Variants in NUP98 observed in about 807,000 individuals in gnomAD.
NUP98 encodes nuclear pore complex protein Nup98-Nup96.
In NUP98, 26 loss-of-function variants were observed where a neutral mutation model predicts 191.9. That is an observed-to-expected ratio of 0.14 (90% CI 0.10 to 0.19). The LOEUF is 0.19. NUP98 is among the 10% of genes least tolerant of loss of function. The pLI is 1.00. For synonymous variants in NUP98, 808 were observed against 778.4 expected, an observed-to-expected ratio of 1.04 and a Z score of -0.63; for missense variants, 1,941 against 2,178.8, an observed-to-expected ratio of 0.89 and a Z score of 2.17.
chr11:3,723,158 T>C lies in NUP98; in HGVS notation c.2145A>G (p.Ala715=), dbSNP rs1260680566. Residue 715 remains alanine (A), a splice_region_variant and synonymous_variant, in exon 16 of 33, where the codon GCA becomes GCG. Transcript: ENST00000324932. The part of the protein sequence containing the change: ...IENNSYHMHP[A]GIILTKVGYY... ...AACATGCACCAATCTGAACCTGACC[T>C]GCTGGGTGCATATGGTAAGAATTAT... 3.1e-6 allele frequency: 5 copies of C among 1,613,702 alleles called. No homozygotes were observed. Among genetic ancestry groups the C allele is most frequent in the Non-Finnish European group, 4.2e-6 (5 of 1,179,648 alleles).
rs2081228434 is a variant in NUP98 at position 3,763,099 on chromosome 11, A to G, written c.949-60T>C. 4.0e-6 allele frequency: 6 copies of G among 1,495,378 alleles called. No homozygotes were observed. The East Asian group carries it at 1.1e-4, about 28-fold the overall frequency. The allele number at this position is 1,495,378 out of a possible 1,614,324, so 92.6% of individuals were successfully genotyped here. ...TGTAATAGTTTCCGTAACGAATCTC[A>G]GAGTAATAAAAAAAAAGTTACCATT... On this transcript the variant is annotated intron_variant, in intron 8 of 32. Transcript: ENST00000324932.
chr11:3,687,962 C>A (rs2134037747), intron 28 of NUP98, among the ~76,000 whole-genome samples: 1 of 152,248 alleles, frequency 6.6e-6, no homozygotes, highest in South Asian at 2.1e-4. Context: ...TGACAAAGTG[C>A]TCAACATCAT....
rs1345437877 is a variant in NUP98, at chr11:3,776,076, A to G, written c.356-55T>C. ...AACAGTAAGAAATTTAAGAATGTAT[A>G]AGATGCATTGGAATTGGGCTATGGC... On this transcript the variant is annotated intron_variant, in intron 4 of 32. Coordinates refer to ENST00000324932, the MANE Select transcript of NUP98 (RefSeq NM_016320.5). The G allele has an allele frequency of 5.0e-6, 7 of 1,399,846 alleles. No individual in the cohort carries two copies. The South Asian group carries it at 6.1e-5, about 12-fold the overall frequency. The allele number at this position is 1,399,846 out of a possible 1,614,324, so 86.7% of individuals were successfully genotyped here.
At chr11:3,765,311 C>T (rs1382922006) in intron 8 of NUP98, among the ~76,000 whole-genome samples, 2 of 152,202 alleles carry the variant, frequency 1.3e-5, no homozygotes, top group African/African-American at 2.4e-5. Flanking sequence ...AATGATTCCC[C>T]GACCTCAGCC....
intron 20 of NUP98, 142 bp downstream of exon 20, chr11:3,712,422 T>C (rs1176993740): frequency 4.8e-6 from 7 of 1,457,768 alleles, no homozygotes; most frequent in African/African-American, 2.8e-5. Flanking sequence ...CGCCCTCCCT[T>C]GCACTTGTTT....
Position 3,771,738 on chromosome 11 carries a change from A to C in NUP98, c.784+10T>G. Reference sequence around the variant, plus strand: ...CCTCAGTATAATCTAACATGATATCAAGTGCTTACTAGTTCCAAAGGCAGT... The same window carrying C: ...CCTCAGTATAATCTAACATGATATCCAGTGCTTACTAGTTCCAAAGGCAGT... On this transcript the variant is annotated intron_variant, in intron 7 of 32. Coordinates refer to ENST00000324932, the MANE Select transcript of NUP98 (RefSeq NM_016320.5). The C allele has an allele frequency of 1.9e-6, 3 of 1,612,024 alleles. No homozygotes were observed. The highest frequency in any genetic ancestry group is 2.5e-6 in the Non-Finnish European group (3 of 1,178,142).
chr11:3,694,759 A>G (rs1349504826), intron 26 of NUP98, among the ~76,000 whole-genome samples: 3 of 151,972 alleles, frequency 2.0e-5, no homozygotes, highest in East Asian at 3.9e-4. Flanking sequence ...AAAAAAAAAA[A>G]TGCTGCAGGG....
chr11:3,756,267 T>TA (rs1388969429), intron 10 of NUP98, among the ~76,000 whole-genome samples: 1 of 152,180 alleles, frequency 6.6e-6, no homozygotes, highest in Non-Finnish European at 1.5e-5. Context: ...AATCCCAACT[T>TA]ACACTGTTTA....
At chr11:3,735,711 G>C (rs1010412168) in intron 12 of NUP98, among the ~76,000 whole-genome samples, 2 of 151,414 alleles carry the variant, frequency 1.3e-5, no homozygotes, top group Non-Finnish European at 2.9e-5. Context: ...AGACTGGTTT[G>C]TCTAAAGGAA....
At chr11:3,764,945 G>A (rs1354836545) in intron 8 of NUP98, among the ~76,000 whole-genome samples, 2 of 152,064 alleles carry the variant, frequency 1.3e-5, no homozygotes, top group East Asian at 3.9e-4. Flanking sequence ...GTTTTCATTT[G>A]CCTTTCCCTG....
Position 3,713,930 on chromosome 11 carries a change from C to A in NUP98, c.2465G>T (p.Ser822Ile). ...GTTGATATCAGCAAGGCGATCTGGG[C>A]TCTTTATTAAACAACGAGATGTTTT... The part of the protein sequence containing the change: ...TDKTSRCLIK[S>I]PDRLADINYE... Residue 822 changes from serine (S) to isoleucine (I), a missense_variant, in exon 19 of 33, where the codon AGC (serine) becomes ATC (isoleucine). Coordinates refer to ENST00000324932, the MANE Select transcript of NUP98 (RefSeq NM_016320.5). 1 of 1,614,120 alleles carries A rather than the reference C, an allele frequency of 6.2e-7. No individual in the cohort carries two copies. Among genetic ancestry groups the A allele is most frequent in the Non-Finnish European group, 8.5e-7 (1 of 1,180,026 alleles).
At chr11:3,685,037 T>C (rs2078097971) in intron 29 of NUP98, among the ~76,000 whole-genome samples, 1 of 151,356 alleles carries the variant, frequency 6.6e-6, no homozygotes. Context: ...TGTCTTGGGT[T>C]ACTGACCTGT....
chr11:3,726,483 T>C (rs1171143460), intron 14 of NUP98, among the ~76,000 whole-genome samples: 1 of 150,148 alleles, frequency 6.7e-6, no homozygotes, highest in East Asian at 1.9e-4. Context: ...AAGTCAATGT[T>C]GGGAATGAAA....
chr11:3,797,089 C>T (rs2134025023), intron 1 of NUP98, among the ~76,000 whole-genome samples: 1 of 152,384 alleles, frequency 6.6e-6, no homozygotes, highest in Admixed American at 6.5e-5. Flanking sequence ...AAGGCCAGCC[C>T]ACCGTGGGGT....
chr11:3,757,051 G>T (rs1427455982), intron 10 of NUP98, among the ~76,000 whole-genome samples: 1 of 150,808 alleles, frequency 6.6e-6, no homozygotes, highest in African/African-American at 2.4e-5. Flanking sequence ...TCGTGCCGCT[G>T]CACTCCAGCC....
chr11:3,737,133 G>A (rs2080094340), intron 12 of NUP98, among the ~76,000 whole-genome samples: 2 of 151,958 alleles, frequency 1.3e-5, no homozygotes, highest in South Asian at 4.1e-4. Context: ...CAAAAATACT[G>A]ATCAAAACCC....
intron 18 of NUP98, chr11:3,714,710 T>C (rs1014972588): frequency 1.2e-5 from 2 of 160,510 alleles, no homozygotes; most frequent in African/African-American, 2.4e-5. Context: ...ATCCATGTTA[T>C]AGCATATATC....
At chr11:3,760,724 G>C in intron 9 of NUP98, 98 bp from the exon 10 acceptor site, 1 of 856,196 alleles carries the variant, frequency 1.2e-6, no homozygotes. Context: ...GGTATGGGGT[G>C]GGAGAAAGAT....
At position 3,750,044 on chromosome 11, in the gene NUP98, A is replaced by G. The variant is rs917368530; in HGVS notation, c.1267+3272T>C. ...AAAATGTTCACTGAGGGTTTTGCCAACATCATCAAATAAATGTCCATCAAT... is the reference window on the plus strand; with the variant it reads ...AAAATGTTCACTGAGGGTTTTGCCAGCATCATCAAATAAATGTCCATCAAT... On this transcript the variant is annotated intron_variant, in intron 11 of 32. Coordinates refer to ENST00000324932, the MANE Select transcript of NUP98 (RefSeq NM_016320.5). 3.3e-5 allele frequency among the ~76,000 whole-genome samples: 5 copies of G among 152,242 alleles called. 1 individual carries two copies. In the East Asian group the frequency reaches 9.6e-4, roughly 29 times the overall value.
Sources: gnomAD v4.1 joint callset for allele counts (sites outside exome capture counted in the v4.1 genomes callset) on GRCh38, gnomAD v4.1.1 for gene constraint, MANE v1.5 for transcripts, NCBI Gene and HGNC (gene_info 2026-07-23, HGNC 2026-07-21) for gene names.